The following CCDC85A variants were observed in gnomAD, a reference collection of about 807,000 sequenced individuals.
CCDC85A encodes the protein coiled-coil domain containing 85A.
Under a neutral mutation model 50.2 loss-of-function variants are expected in CCDC85A, and 38 were observed. That is an observed-to-expected ratio of 0.76 (90% CI 0.58 to 0.99). The LOEUF (loss-of-function observed/expected upper bound fraction) is 0.99, where lower values mean the gene tolerates loss of function less well. Ranked by LOEUF, CCDC85A falls within the 50% of genes least tolerant of loss-of-function variation. CCDC85A has a pLI of 0.00. For synonymous variants in CCDC85A, 366 were observed against 301.4 expected (o/e 1.21, Z -2.22); for missense variants, 820 against 742.0 (o/e 1.11, Z -1.22).
chr2:56,317,784 T>C (rs6751549), intron 2 of CCDC85A, among the ~76,000 whole-genome samples: 6,216 of 152,188 alleles, frequency 0.041, 429 homozygotes, highest in African/African-American at 0.14. Flanking sequence ...TCTGCTTGCC[T>C]GTAGCTATGT....
chr2:56,335,021 C>T (rs1674001306), intron 2 of CCDC85A, among the ~76,000 whole-genome samples: 1 of 152,030 alleles, frequency 6.6e-6, no homozygotes, highest in Non-Finnish European at 1.5e-5. Context: ...AATTAAAGCC[C>T]CATTAAAAAT....
At chr2:56,336,587 C>G (rs1674085853) in intron 2 of CCDC85A, among the ~76,000 whole-genome samples, 1 of 152,162 alleles carries the variant, frequency 6.6e-6, no homozygotes, top group Non-Finnish European at 1.5e-5. Context: ...TGTGACAAAC[C>G]TTAGACAGTT....
chr2:56,319,557 A>G (rs182019090), intron 2 of CCDC85A, among the ~76,000 whole-genome samples: 3 of 152,306 alleles, frequency 2.0e-5, no homozygotes, highest in African/African-American at 7.2e-5. Context: ...AAAGTAAAAT[A>G]TAACATATGG....
chr2:56,329,645 C>A (rs1221977638), intron 2 of CCDC85A, among the ~76,000 whole-genome samples: 1 of 152,088 alleles, frequency 6.6e-6, no homozygotes, highest in Non-Finnish European at 1.5e-5. Context: ...TCGATTGTTA[C>A]ATTGTGTATG....
In CCDC85A at chr2:56,342,962, G is replaced by A; in HGVS notation, c.1317+7G>A. 1 of 1,581,628 alleles carries A rather than the reference G, an allele frequency of 6.3e-7. No homozygotes were observed. The highest frequency in any genetic ancestry group is 8.6e-7 in the Non-Finnish European group (1 of 1,161,540). On this transcript the variant is annotated splice_region_variant and intron_variant, in intron 3 of 5. Transcript: ENST00000407595. Reference sequence around the variant, plus strand: ...AAATCGCATGCTGCCCCAGGTGGGTGACTTCCAGAAGCTCATAGCTAGTCA... The same window carrying A: ...AAATCGCATGCTGCCCCAGGTGGGTAACTTCCAGAAGCTCATAGCTAGTCA...
At chr2:56,205,577 TG>T (rs1449103825) in intron 2 of CCDC85A, among the ~76,000 whole-genome samples, 1 of 152,094 alleles carries the variant, frequency 6.6e-6, no homozygotes, top group Non-Finnish European at 1.5e-5. Flanking sequence ...ATAAACAACA[TG>T]GTAAAAGAAA....
At chr2:56,215,921 T>C (rs1677373922) in intron 2 of CCDC85A, among the ~76,000 whole-genome samples, 1 of 151,930 alleles carries the variant, frequency 6.6e-6, no homozygotes, top group African/African-American at 2.4e-5. Context: ...ACAAGAAAAT[T>C]ATGACATTTA....
chr2:56,214,758 C>T (rs535492201), intron 2 of CCDC85A, among the ~76,000 whole-genome samples: 149 of 151,990 alleles, frequency 9.8e-4, no homozygotes, highest in Admixed American at 3.3e-3. Context: ...TTCACTAATT[C>T]CACACTGTCT....
chr2:56,299,583 A>G (rs1672110177), intron 2 of CCDC85A, among the ~76,000 whole-genome samples: 1 of 152,110 alleles, frequency 6.6e-6, no homozygotes, highest in East Asian at 1.9e-4. Context: ...AACATGAGAA[A>G]GAAAATGCTG....
chr2:56,221,981 A>T (rs1328099547), intron 2 of CCDC85A, among the ~76,000 whole-genome samples: 1 of 152,038 alleles, frequency 6.6e-6, no homozygotes, highest in African/African-American at 2.4e-5. Context: ...GACAGAGGAA[A>T]TTGGGCCAAA....
At chr2:56,240,475 C>T (rs771021578) in intron 2 of CCDC85A, among the ~76,000 whole-genome samples, 3 of 152,080 alleles carry the variant, frequency 2.0e-5, no homozygotes, top group African/African-American at 4.8e-5. Context: ...TTTCATTTTT[C>T]GCTTCATTCT....
At chr2:56,188,198 G>A (rs1488221482) in intron 1 of CCDC85A, among the ~76,000 whole-genome samples, 1 of 152,200 alleles carries the variant, frequency 6.6e-6, no homozygotes, top group Non-Finnish European at 1.5e-5. Context: ...GTCTTAGTGA[G>A]GCAGATTTGA....
chr2:56,205,502 A>C (rs989275794), intron 2 of CCDC85A, among the ~76,000 whole-genome samples: 6 of 152,186 alleles, frequency 3.9e-5, no homozygotes, highest in Non-Finnish European at 8.8e-5. Flanking sequence ...ATGCATGCTA[A>C]ATAATGTCAG....
intron 2 of CCDC85A, among the ~76,000 whole-genome samples, chr2:56,215,183 T>C (rs1342332606): frequency 6.6e-6 from 1 of 151,896 alleles, no homozygotes; most frequent in Non-Finnish European, 1.5e-5. Flanking sequence ...TTGTTGCTGG[T>C]ATATAGGAAG....
intron 2 of CCDC85A, among the ~76,000 whole-genome samples, chr2:56,245,043 GTGACAGAAGCACTC>G (rs1177582656): frequency 6.6e-6 from 1 of 152,146 alleles, no homozygotes; most frequent in Admixed American, 6.5e-5. Flanking sequence ...TTGTAGAGGG[GTGACAGAAGCACTC>G]CCTTAGCCAC....
At chr2:56,328,688 A>G (rs1470577749) in intron 2 of CCDC85A, among the ~76,000 whole-genome samples, 2 of 152,154 alleles carry the variant, frequency 1.3e-5, no homozygotes, top group South Asian at 2.1e-4. Context: ...CGTTCATGCC[A>G]AAAATATAGC....
chr2:56,346,935 G>A (rs1200331005), intron 3 of CCDC85A, among the ~76,000 whole-genome samples: 4 of 152,114 alleles, frequency 2.6e-5, no homozygotes, highest in South Asian at 4.1e-4. Context: ...AACAAAAATC[G>A]TGCTTAAATA....
At chr2:56,336,200 G>C (rs1385326515) in intron 2 of CCDC85A, among the ~76,000 whole-genome samples, 1 of 151,552 alleles carries the variant, frequency 6.6e-6, no homozygotes, top group Non-Finnish European at 1.5e-5. Context: ...GTCCCCCCAG[G>C]CTGGAGTGCA....
At chr2:56,376,074 C>G in intron 5 of CCDC85A, 139 bp downstream of exon 5, 2 of 899,898 alleles carry the variant, frequency 2.2e-6, no homozygotes, top group East Asian at 3.0e-5. Context: ...CTTTTTAAAT[C>G]TTAATTTTTG....
Sources: gnomAD v4.1 joint callset for allele counts (sites outside exome capture counted in the v4.1 genomes callset) on GRCh38, gnomAD v4.1.1 for gene constraint, MANE v1.5 for transcripts, NCBI Gene and HGNC (gene_info 2026-07-23, HGNC 2026-07-21) for gene names.